PCDHA10: variants seen among roughly 807,000 people sequenced by gnomAD.
PCDHA10 encodes protocadherin alpha-10.
In PCDHA10, 45 loss-of-function variants were observed where a neutral mutation model predicts 61.2. The ratio of observed to expected loss-of-function variants is 0.74; its 90% CI spans 0.58 to 0.94. PCDHA10 has a LOEUF of 0.94. Among genes scored for constraint, PCDHA10 ranks in the 40% least tolerant of loss-of-function variants. PCDHA10 has a pLI of 0.00. For missense variants in PCDHA10, 1,278 were observed against 1,236.2 expected, an observed-to-expected ratio of 1.03 and a Z score of -0.51; for synonymous variants, 602 against 548.8, an observed-to-expected ratio of 1.10 and a Z score of -1.35.
intron 3 of PCDHA10, among the ~76,000 whole-genome samples, chr5:141,007,395 CA>C (rs35800918): frequency 0.59 from 55,851 of 95,076 alleles, 14,598 homozygotes; most frequent in African/African-American, 0.74. Context: ...TACTAAAATA[CA>C]AAAAAAAAAA....
intron 1 of PCDHA10, among the ~76,000 whole-genome samples, chr5:140,955,118 G>C (rs2095139401): frequency 6.6e-6 from 1 of 152,058 alleles, no homozygotes; most frequent in African/African-American, 2.4e-5. Flanking sequence ...TCTCTATTCT[G>C]TTCCACTGGT....
At chr5:140,883,417 A>C in intron 1 of PCDHA10, 3 of 1,614,146 alleles carry the variant, frequency 1.9e-6, no homozygotes, top group Non-Finnish European at 2.5e-6. Flanking sequence ...GCTCAAATGG[A>C]CAGGTCACCT....
At chr5:140,897,356 CCA>C (rs2066046729) in intron 1 of PCDHA10, among the ~76,000 whole-genome samples, 1 of 134,770 alleles carries the variant, frequency 7.4e-6, no homozygotes, top group South Asian at 2.4e-4. Context: ...ACAACTGTCC[CCA>C]GAGTGTGATG....
intron 1 of PCDHA10, among the ~76,000 whole-genome samples, chr5:140,945,069 A>G (rs550774069): frequency 6.6e-6 from 1 of 152,278 alleles, no homozygotes; most frequent in East Asian, 1.9e-4. Context: ...TACAGACTCC[A>G]CCAAAACACT....
intron 1 of PCDHA10, chr5:140,870,710 CGCGCGATGCGG>C (rs1554164626): frequency 1.2e-6 from 2 of 1,612,974 alleles, no homozygotes; most frequent in African/African-American, 2.7e-5. Context: ...CAGGTGAGCG[CGCGCGATGCGG>C]GCGTGCCGCC....
intron 1 of PCDHA10, chr5:140,859,449 A>T (rs1319113076): frequency 4.5e-6 from 1 of 222,150 alleles, no homozygotes; most frequent in Non-Finnish European, 8.6e-6. Context: ...TTAGTTGCAG[A>T]GTGACAAAAC....
chr5:140,868,792 CCATAAATAAG>C (rs2050654448), intron 1 of PCDHA10: 1 of 326,666 alleles, frequency 3.1e-6, no homozygotes, highest in African/African-American at 2.1e-5. Flanking sequence ...TCTGAATATT[CCATAAATAAG>C]CACGTTGGAA....
intron 1 of PCDHA10, chr5:140,929,052 C>G (rs1379551578): frequency 6.2e-7 from 1 of 1,614,058 alleles, no homozygotes; most frequent in African/African-American, 1.3e-5. Context: ...GCTGCTGTCG[C>G]TCTACAGAGG....
At chr5:140,936,571 C>G (rs2153629502) in intron 1 of PCDHA10, among the ~76,000 whole-genome samples, 1 of 152,342 alleles carries the variant, frequency 6.6e-6, no homozygotes, top group African/African-American at 2.4e-5. Flanking sequence ...ATATTTTCCA[C>G]TTGTAAATCC....
At chr5:140,966,670 G>C in intron 1 of PCDHA10, 1 of 1,283,064 alleles carries the variant, frequency 7.8e-7, no homozygotes, top group Non-Finnish European at 1.0e-6. Flanking sequence ...AGCAGGCGCA[G>C]GGTGGCACGA....
chr5:140,998,017 C>T (rs555584429), intron 3 of PCDHA10, among the ~76,000 whole-genome samples: 67 of 152,292 alleles, frequency 4.4e-4, no homozygotes, highest in African/African-American at 1.4e-3. Context: ...ATCCCCACCT[C>T]GAGCTAGTGC....
intron 1 of PCDHA10, among the ~76,000 whole-genome samples, chr5:140,971,716 A>G (rs1554233565): frequency 1.3e-5 from 2 of 152,026 alleles, no homozygotes; most frequent in African/African-American, 4.8e-5. Context: ...ATATAGATAT[A>G]TGTATATCAT....
chr5:140,904,826 T>C (rs1251990612), intron 1 of PCDHA10, among the ~76,000 whole-genome samples: 1 of 152,206 alleles, frequency 6.6e-6, no homozygotes. Flanking sequence ...GAGCATTTTT[T>C]TATATGTTTC....
At chr5:140,911,037 C>A (rs1432446373) in intron 1 of PCDHA10, among the ~76,000 whole-genome samples, 3 of 152,012 alleles carry the variant, frequency 2.0e-5, no homozygotes, top group Non-Finnish European at 4.4e-5. Context: ...GGTCTAGAAG[C>A]AAACAGGGGT....
intron 1 of PCDHA10, chr5:140,883,434 T>G (rs2059607581): frequency 1.2e-6 from 2 of 1,614,038 alleles, no homozygotes; most frequent in Admixed American, 3.3e-5. Flanking sequence ...ACCTGCACCT[T>G]GACGCCGCAT....
At position 140,972,838 on chromosome 5, in the gene PCDHA10, A is replaced by G. The variant is rs181315236; in HGVS notation, c.2389-6111A>G. Among the ~76,000 whole-genome samples the G allele has an allele frequency of 2.0e-4, 30 of 151,814 alleles. No individual in the cohort carries two copies. In the East Asian group the frequency reaches 5.8e-3, roughly 30 times the overall value. The stretch of plus-strand genomic sequence containing the variant: ...GCCACCACGCCTGGCTAATTTTTGT[A>G]TTTTTAGTAGAGATGGGGTTTCATC... On this transcript the variant is annotated intron_variant, in intron 1 of 3. Transcript: ENST00000307360.
chr5:140,883,447 C>T (rs967998655), intron 1 of PCDHA10: 13 of 1,614,168 alleles, frequency 8.1e-6, no homozygotes, highest in Non-Finnish European at 1.0e-5. Flanking sequence ...CGCCGCATGT[C>T]CCCTTCAAGC....
chr5:140,881,995 T>C, intron 1 of PCDHA10: 1 of 464,062 alleles, frequency 2.2e-6, no homozygotes, highest in Middle Eastern at 5.9e-4. Flanking sequence ...TGTCAGGAAA[T>C]GCAAGGGGCA....
intron 1 of PCDHA10, chr5:140,875,983 G>A: frequency 6.2e-7 from 1 of 1,613,992 alleles, no homozygotes; most frequent in Non-Finnish European, 8.5e-7. Context: ...TTTGACCTAT[G>A]CGTTAAGTCT....
Sources: allele counts gnomAD v4.1 joint callset (sites outside exome capture counted in the v4.1 genomes callset), GRCh38; gene constraint gnomAD v4.1.1; transcripts MANE v1.5; gene names NCBI Gene and HGNC (gene_info 2026-07-23, HGNC 2026-07-21).